The following AGBL2 variants were observed in gnomAD, a reference collection of about 807,000 sequenced individuals.
AGBL2 encodes cytosolic carboxypeptidase 2.
In AGBL2, 87 loss-of-function variants were observed where a neutral mutation model predicts 103.0. The observed-to-expected ratio is 0.84, with a 90% CI of 0.71 to 1.01. The LOEUF (loss-of-function observed/expected upper bound fraction) is 1.01, where lower values mean the gene tolerates loss of function less well. AGBL2 is among the 50% of genes least tolerant of loss of function. The pLI, the probability that AGBL2 is intolerant of heterozygous loss-of-function variation, is 0.00. For synonymous variants in AGBL2, 335 were observed against 356.7 expected, an observed-to-expected ratio of 0.94 and a Z score of 0.69; for missense variants, 904 against 1,023.5, an observed-to-expected ratio of 0.88 and a Z score of 1.59.
chr11:47,675,795 CAG>C (rs2097372928), intron 14 of AGBL2, among the ~76,000 whole-genome samples: 1 of 151,976 alleles, frequency 6.6e-6, no homozygotes, highest in South Asian at 2.1e-4. Context: ...CCGTTGAGCT[CAG>C]TAGTTAGAGA....
At chr11:47,678,325 A>ATTTTTT (rs1228331674) in intron 13 of AGBL2, among the ~76,000 whole-genome samples, 1 of 116,048 alleles carries the variant, frequency 8.6e-6, no homozygotes, top group South Asian at 3.9e-4. Flanking sequence ...ATTTTATTTT[A>ATTTTTT]TTTTATTTTA....
At chr11:47,714,370 A>C in intron 2 of AGBL2, 23 bp from the exon 3 acceptor site, 1 of 1,604,212 alleles carries the variant, frequency 6.2e-7, no homozygotes, top group Non-Finnish European at 8.5e-7. Flanking sequence ...AGGCCACTTC[A>C]ATCAAGATAA....
intron 10 of AGBL2, among the ~76,000 whole-genome samples, chr11:47,687,123 TATA>T (rs1042617956): frequency 7.7e-6 from 1 of 129,070 alleles, no homozygotes; most frequent in South Asian, 3.0e-4. Context: ...AAACTTAAAG[TATA>T]ATAATAATAA....
chr11:47,684,592 A>AAAAT (rs780229148), intron 11 of AGBL2, among the ~76,000 whole-genome samples: 259 of 151,778 alleles, frequency 1.7e-3, no homozygotes, highest in Non-Finnish European at 2.7e-3. Flanking sequence ...AAAAATAAGT[A>AAAAT]AAATAAATAA....
At chr11:47,696,429 C>T (rs2097474369) in intron 8 of AGBL2, among the ~76,000 whole-genome samples, 1 of 151,586 alleles carries the variant, frequency 6.6e-6, no homozygotes, top group Non-Finnish European at 1.5e-5. Flanking sequence ...TACCAGGCTA[C>T]TTTCTTTGTG....
At position 47,690,532 on chromosome 11, in the gene AGBL2, A is replaced by C; in HGVS notation, c.1175T>G (p.Phe392Cys). 1 of 1,614,170 alleles carries C rather than the reference A, an allele frequency of 6.2e-7. No homozygotes were observed. The highest frequency in any genetic ancestry group is 2.2e-5 in the East Asian group (1 of 44,888). The change falls in exon 10 of 19, where the codon TTT (phenylalanine) becomes TGT (cysteine). Residue 392 changes from phenylalanine (F) to cysteine (C), a missense_variant. Transcript: ENST00000525123. ...QFPYDQDTCFFAHFYPYTYTD... is the reference protein window; with the variant it reads ...QFPYDQDTCFCAHFYPYTYTD... ...GTATGTATATGGGTAGAAGTGTGCA[A>C]AGAAGCAAGTGTCCTGGTCATATGG...
Position 47,667,550 on chromosome 11 carries a change from TA to T in AGBL2, c.2340+20del. ...ATGGTCTGAAACTAGACAGTAGAAA[TA>T]GCCAGCAAGTCTTTCTTACTGAGGT... On this transcript the variant is annotated intron_variant, in intron 16 of 18. Coordinates refer to ENST00000525123, the MANE Select transcript of AGBL2 (RefSeq NM_024783.4). 1 of 1,612,084 alleles carries T rather than the reference TA, an allele frequency of 6.2e-7. No individual in the cohort carries two copies. Among genetic ancestry groups the T allele is most frequent in the Admixed American group, 1.7e-5 (1 of 59,434 alleles).
chr11:47,695,643 A>T (rs1375638198), intron 8 of AGBL2, among the ~76,000 whole-genome samples: 3 of 150,968 alleles, frequency 2.0e-5, no homozygotes. Context: ...GCAGGGTGGT[A>T]CATGCCTGTA....
At chr11:47,678,960 G>C (rs1380573162) in intron 13 of AGBL2, among the ~76,000 whole-genome samples, 2 of 145,902 alleles carry the variant, frequency 1.4e-5, no homozygotes, top group African/African-American at 5.0e-5. Flanking sequence ...TCAGTAGACT[G>C]AGGCAGGAGA....
chr11:47,697,639 G>A (rs1297744009), intron 8 of AGBL2, among the ~76,000 whole-genome samples: 7 of 143,152 alleles, frequency 4.9e-5, no homozygotes, highest in Admixed American at 3.5e-4. Context: ...TGTGCCTCCC[G>A]GGTTCACGCC....
intron 3 of AGBL2, chr11:47,710,880 A>T: frequency 8.7e-6 from 4 of 458,200 alleles, no homozygotes; most frequent in Non-Finnish European, 8.7e-6. Context: ...ACTGCCCTCC[A>T]GCCTGAGTGA....
chr11:47,677,166 C>T (rs985823710), intron 14 of AGBL2, 105 bp downstream of exon 14: 5 of 989,090 alleles, frequency 5.1e-6, no homozygotes, highest in Middle Eastern at 2.7e-4. Context: ...GATCACCAAG[C>T]CCAGCTAATT....
chr11:47,697,455 G>T (rs2097479490), intron 8 of AGBL2, among the ~76,000 whole-genome samples: 1 of 151,234 alleles, frequency 6.6e-6, no homozygotes, highest in Non-Finnish European at 1.5e-5. Flanking sequence ...AGCCACGATG[G>T]TCTCGATCTC....
chr11:47,675,819 A>C (rs2097372995), intron 14 of AGBL2, among the ~76,000 whole-genome samples: 1 of 152,044 alleles, frequency 6.6e-6, no homozygotes. Context: ...CAGCCTGGGC[A>C]ACATGGCAAA....
At chr11:47,663,578 C>T (rs1302481759) in intron 17 of AGBL2, among the ~76,000 whole-genome samples, 30 of 148,632 alleles carry the variant, frequency 2.0e-4, no homozygotes, top group Admixed American at 4.7e-4. Context: ...TTTTTTAAGA[C>T]GGAGTTTCAC....
intron 7 of AGBL2, among the ~76,000 whole-genome samples, chr11:47,701,956 G>A (rs2097500790): frequency 7.2e-6 from 1 of 138,050 alleles, no homozygotes. Context: ...CTGGGCGACA[G>A]AGCGAGACTC....
chr11:47,714,431 T>A, intron 2 of AGBL2, 84 bp from the exon 3 acceptor site: 2 of 1,414,304 alleles, frequency 1.4e-6, no homozygotes, highest in East Asian at 4.6e-5. Context: ...CGTTGTTGCA[T>A]AGGACTAGAC....
Position 47,667,027 on chromosome 11 carries a change from G to A in AGBL2, c.2377C>T (p.Pro793Ser), listed in dbSNP as rs1327985700. Residue 793 changes from proline (P) to serine (S), a missense_variant, in exon 17 of 19, where the codon CCA becomes TCA. Coordinates refer to ENST00000525123, the MANE Select transcript of AGBL2 (RefSeq NM_024783.4). The part of the protein sequence containing the change: ...AGFASTLQKQ[P>S]TFFKNSENSS... ...TTCTCTGAGTTTTTGAAAAAGGTTG[G>A]CTGCTTTTGCAGAGTAGAAGCAAAT... 1.2e-6 allele frequency: 2 copies of A among 1,613,048 alleles called. No individual in the cohort carries two copies. Among genetic ancestry groups the A allele is most frequent in the Admixed American group, 1.7e-5 (1 of 59,726 alleles).
Position 47,700,282 on chromosome 11 carries a change from TA to T in AGBL2, c.587-730del, listed in dbSNP as rs1204972467. 6.6e-5 allele frequency among the ~76,000 whole-genome samples: 10 copies of T among 152,232 alleles called. No homozygotes were observed. The East Asian group carries it at 1.9e-3, about 30-fold the overall frequency. On this transcript the variant is annotated intron_variant, in intron 7 of 18. Coordinates refer to ENST00000525123, the MANE Select transcript of AGBL2 (RefSeq NM_024783.4). The stretch of plus-strand genomic sequence containing the variant: ...AAGGCTTTTTCATTAACACTGAATT[TA>T]AAAAGATTTCTTTGGCTGGGTGCAG...
Sources: gnomAD v4.1 joint callset for allele counts (sites outside exome capture counted in the v4.1 genomes callset) on GRCh38, gnomAD v4.1.1 for gene constraint, MANE v1.5 for transcripts, NCBI Gene and HGNC (gene_info 2026-07-23, HGNC 2026-07-21) for gene names.